The following EPN3 variants were observed in gnomAD, a reference collection of about 807,000 sequenced individuals.
EPN3 encodes the protein epsin-3.
A neutral mutation model predicts 55.5 loss-of-function variants in EPN3; 56 were observed. The observed-to-expected ratio is 1.01, with a 90% CI of 0.81 to 1.26. The LOEUF (loss-of-function observed/expected upper bound fraction) is 1.26, where lower values mean the gene tolerates loss of function less well. Among genes scored for constraint, EPN3 ranks in the 50% most tolerant of loss-of-function variants. The probability of loss-of-function intolerance (pLI) is 0.00; values close to 1 mark genes in which losing one functional copy is unlikely to be tolerated. For missense variants in EPN3, 927 were observed against 853.4 expected, an observed-to-expected ratio of 1.09 and a Z score of -1.07; for synonymous variants, 449 against 375.2, an observed-to-expected ratio of 1.20 and a Z score of -2.27.
rs761139022 is a variant in EPN3 at position 50,538,101 on chromosome 17, T to C, written c.585T>C (p.Tyr195=). 3.7e-6 allele frequency: 6 copies of C among 1,613,964 alleles called. No individual in the cohort carries two copies. The highest frequency in any genetic ancestry group is 1.7e-5 in the Admixed American group (1 of 59,994). ...CAGCCTCCTCTTCGTCACCCCGCTATACCTCCGACCTGGAGCAGGCCCGGC... is the reference window on the plus strand; with the variant it reads ...CAGCCTCCTCTTCGTCACCCCGCTACACCTCCGACCTGGAGCAGGCCCGGC... The part of the protein sequence containing the change: ...SYNSSSSSPR[Y]TSDLEQARPQ... The change falls in exon 3 of 10, where the codon TAT becomes TAC. Residue 195 remains tyrosine, a synonymous_variant. Coordinates refer to ENST00000268933, the MANE Select transcript of EPN3 (RefSeq NM_017957.3).
In EPN3 at chr17:50,539,294, G is replaced by C; in HGVS notation, c.870G>C (p.Glu290Asp). 6.2e-7 allele frequency: 1 copy of C among 1,614,192 alleles called. No individual in the cohort carries two copies. The stretch of plus-strand genomic sequence containing the variant: ...CTGAGAGAGAAGAGAGAAAGGAGGA[G>C]GAGAAGCTAAAAACCAGCCAGGTAG... Reference protein sequence around the residue: ...REPEREERKEEEKLKTSQSSI... With the variant: ...REPEREERKEDEKLKTSQSSI... Residue 290 changes from glutamate to aspartate, a missense_variant, in exon 5 of 10, where the codon GAG (glutamate) becomes GAC (aspartate). Glu to Asp is a conservative substitution (Grantham distance 45). Coordinates refer to ENST00000268933, the MANE Select transcript of EPN3 (RefSeq NM_017957.3).
At position 50,541,283 on chromosome 17, in the gene EPN3, A is replaced by G; in HGVS notation, c.1304A>G (p.Lys435Arg). Residue 435 changes from lysine (K) to arginine (R), a missense_variant, in exon 8 of 10, where the codon AAG (lysine) becomes AGG (arginine). Physicochemically the swap from Lys to Arg is conservative, Grantham distance 26. Transcript: ENST00000268933. ...FAKPPESTET[K>R]EGLEQALPSG... is the part of the protein sequence containing the mutation. Reference sequence around the variant, plus strand: ...AAACCTCCAGAATCCACAGAGACCAAGGAGGGGCTGGAGCAGGCCCTGCCC... The same window carrying G: ...AAACCTCCAGAATCCACAGAGACCAGGGAGGGGCTGGAGCAGGCCCTGCCC... The G allele has an allele frequency of 6.2e-7, 1 of 1,613,308 alleles. No homozygotes were observed. Among genetic ancestry groups the G allele is most frequent in the Non-Finnish European group, 8.5e-7 (1 of 1,179,960 alleles).
At chr17:50,541,365 G>C (rs767572046) in intron 8 of EPN3, 32 bp downstream of exon 8, 1 of 1,608,750 alleles carries the variant, frequency 6.2e-7, no homozygotes. Context: ...TGAGGCTCTG[G>C]GGAATGAGGG....
At position 50,541,073 on chromosome 17, in the gene EPN3, G is replaced by A. The variant is rs1331263346; in HGVS notation, c.1249+11G>A. The stretch of plus-strand genomic sequence containing the variant: ...CCTCCGACACACCTGGTAAGAAGAG[G>A]GCCAGAGAGTGTGAGTGAGGAGCTG... On this transcript the variant is annotated intron_variant, in intron 7 of 9. Coordinates refer to ENST00000268933, the MANE Select transcript of EPN3 (RefSeq NM_017957.3). 6.4e-7 allele frequency: 1 copy of A among 1,572,686 alleles called. No homozygotes were observed. The highest frequency in any genetic ancestry group is 1.3e-5 in the African/African-American group (1 of 74,378).
chr17:50,541,537 G>A lies in EPN3; in HGVS notation c.1428G>A (p.Leu476=), dbSNP rs780896365. The A allele has an allele frequency of 1.9e-6, 3 of 1,614,190 alleles. No homozygotes were observed. Among genetic ancestry groups the A allele is most frequent in the Non-Finnish European group, 2.5e-6 (3 of 1,180,038 alleles). ...NGTKEPDALD[L]GILGEALTQP... ...CGAAGGAGCCAGATGCCCTGGACCT[G>A]GGCATACTAGGGGAAGCACTAACCC... is the stretch of plus-strand genomic sequence containing the variant. The change falls in exon 9 of 10, where the codon CTG becomes CTA. Residue 476 remains leucine, a synonymous_variant. Coordinates refer to ENST00000268933, the MANE Select transcript of EPN3 (RefSeq NM_017957.3).
intron 2 of EPN3, among the ~76,000 whole-genome samples, chr17:50,537,693 G>T (rs2034784953): frequency 6.6e-6 from 1 of 152,180 alleles, no homozygotes; most frequent in African/African-American, 2.4e-5. Context: ...TTGACAGTTT[G>T]CTGAGGGCTT....
chr17:50,533,935 C>A (rs143121397), intron 1 of EPN3, among the ~76,000 whole-genome samples: 2 of 152,200 alleles, frequency 1.3e-5, no homozygotes, highest in African/African-American at 4.8e-5. Context: ...GCTACCGCCA[C>A]CGCCTTATCG....
At chr17:50,539,362 G>A (rs780663514) in intron 5 of EPN3, 47 bp downstream of exon 5, 4 of 1,610,998 alleles carry the variant, frequency 2.5e-6, no homozygotes, top group Middle Eastern at 3.3e-4. Flanking sequence ...CCTAAGAGAT[G>A]GACTGAGTAT....
rs1305110085 is a variant in EPN3 at position 50,541,688 on chromosome 17, C to T, written c.1579C>T (p.Leu527=). Residue 527 remains leucine (L), a synonymous_variant, in exon 9 of 10, where the codon CTG becomes TTG. Coordinates refer to ENST00000268933, the MANE Select transcript of EPN3 (RefSeq NM_017957.3). ...GGTTGCAAAGACCCGGAACCCCTTC[C>T]TGACAGGTAAGATATGCCCTTGTCC... ...PQVAKTRNPF[L]TGLSAPSPTN... The T allele has an allele frequency of 1.2e-6, 2 of 1,614,064 alleles. No individual in the cohort carries two copies. The highest frequency in any genetic ancestry group is 3.3e-5 in the Admixed American group (2 of 60,030).
intron 3 of EPN3, 89 bp from the exon 4 acceptor site, chr17:50,538,795 C>T: frequency 1.0e-6 from 1 of 984,500 alleles, no homozygotes; most frequent in Non-Finnish European, 1.5e-6. Flanking sequence ...ATTAGTGTCT[C>T]CATCCCCATG....
intron 3 of EPN3, 62 bp downstream of exon 3, chr17:50,538,259 G>A: frequency 7.2e-7 from 1 of 1,379,364 alleles, no homozygotes; most frequent in African/African-American, 1.4e-5. Flanking sequence ...GAGTGCCTGG[G>A]AGCCCCTTGG....
At position 50,542,432 on chromosome 17, in the gene EPN3, C is replaced by T; in HGVS notation, c.*275C>T. 2 of 398,664 alleles carry T rather than the reference C, an allele frequency of 5.0e-6. No individual in the cohort carries two copies. The highest frequency in any genetic ancestry group is 4.7e-5 in the South Asian group (1 of 21,416). The allele number at this position is 398,664 out of a possible 1,614,324, so 24.7% of individuals were successfully genotyped here. On this transcript the variant is annotated 3_prime_UTR_variant, in exon 10 of 10. Transcript: ENST00000268933. ...GGGTCTCGACCACAGCGTGGATCACCGGCTGTTTAGGAAACTGCAGCTGCA... is the reference window on the plus strand; with the variant it reads ...GGGTCTCGACCACAGCGTGGATCACTGGCTGTTTAGGAAACTGCAGCTGCA...
intron 1 of EPN3, chr17:50,534,372 G>A (rs1241689775): frequency 8.2e-6 from 8 of 976,138 alleles, no homozygotes; most frequent in Non-Finnish European, 9.7e-6. Flanking sequence ...AGGCCAGGCC[G>A]GAGGGCCAGG....
Position 50,537,260 on chromosome 17 carries a change from C to T in EPN3, c.562+142C>T, listed in dbSNP as rs141864171. 3,801 of 845,492 alleles carry T rather than the reference C, an allele frequency of 4.5e-3. 14 individuals are homozygous for T. Among genetic ancestry groups the T allele is most frequent in the Non-Finnish European group, 5.6e-3 (3,125 of 560,532 alleles). The allele number at this position is 845,492 out of a possible 1,614,324, so 52.4% of individuals were successfully genotyped here. A position where few individuals can be genotyped will look rare whatever the true frequency, so the allele number is the denominator to read the frequency against. On this transcript the variant is annotated intron_variant, in intron 2 of 9. Transcript: ENST00000268933. ...GACATAAGGAATGTAACACGCAAGGCGCAACACCCGGCACATAGGAGGTGC... is the reference window on the plus strand; with the variant it reads ...GACATAAGGAATGTAACACGCAAGGTGCAACACCCGGCACATAGGAGGTGC...
rs1265526318 is a variant in EPN3, at chr17:50,541,946, G to C, written c.1688G>C (p.Gly563Ala). Residue 563 changes from glycine (G) to alanine (A), a missense_variant, in exon 10 of 10, where the codon GGC (glycine) becomes GCC (alanine). Physicochemically the swap from Gly to Ala is moderately conservative, Grantham distance 60 (BLOSUM62 0). Coordinates refer to ENST00000268933, the MANE Select transcript of EPN3 (RefSeq NM_017957.3). The part of the protein sequence containing the change: ...RTGSPALGLA[G>A]GPVGAPLGSM... Reference sequence around the variant, plus strand: ...GGCTCGCCGGCGCTGGGCCTGGCAGGCGGGCCTGTGGGGGCGCCCCTGGGC... The same window carrying C: ...GGCTCGCCGGCGCTGGGCCTGGCAGCCGGGCCTGTGGGGGCGCCCCTGGGC... 24 of 1,596,846 alleles carry C rather than the reference G, an allele frequency of 1.5e-5. No individual in the cohort carries two copies. Among genetic ancestry groups the C allele is most frequent in the Non-Finnish European group, 2.0e-5 (24 of 1,177,488 alleles).
Position 50,541,249 on chromosome 17 carries a change from C to T in EPN3, c.1270C>T (p.Pro424Ser), listed in dbSNP as rs1210422095. The part of the protein sequence containing the change: ...DTPGGASTFD[P>S]FAKPPESTET... The stretch of plus-strand genomic sequence containing the variant: ...CCGAGGTGGTGCCTCGACCTTTGAC[C>T]CATTTGCCAAACCTCCAGAATCCAC... Residue 424 changes from proline to serine, a missense_variant, in exon 8 of 10, where the codon CCA becomes TCA. Physicochemically the swap from Pro to Ser is moderately conservative, Grantham distance 74. Coordinates refer to ENST00000268933, the MANE Select transcript of EPN3 (RefSeq NM_017957.3). The T allele has an allele frequency of 1.2e-6, 2 of 1,613,618 alleles. No homozygotes were observed. The highest frequency in any genetic ancestry group is 1.7e-6 in the Non-Finnish European group (2 of 1,180,018).
intron 1 of EPN3, chr17:50,534,535 G>T (rs999235400): frequency 1.0e-6 from 1 of 985,418 alleles, no homozygotes; most frequent in African/African-American, 1.7e-5. Context: ...GGGTTGGGGA[G>T]GTGAAGGCAG....
rs1370343819 is a variant in EPN3, at chr17:50,536,941, C to A, written c.385C>A (p.Gln129Lys). The A allele has an allele frequency of 6.2e-7, 1 of 1,614,126 alleles. No homozygotes were observed. Among genetic ancestry groups the A allele is most frequent in the Admixed American group, 1.7e-5 (1 of 60,024 alleles). ...QGVNVREKVK[Q>K]VMALLKDEER... Reference sequence around the variant, plus strand: ...CGTCAACGTGCGCGAGAAGGTCAAGCAGGTGATGGCCCTGCTCAAGGATGA... The same window carrying A: ...CGTCAACGTGCGCGAGAAGGTCAAGAAGGTGATGGCCCTGCTCAAGGATGA... Residue 129 changes from glutamine to lysine, a missense_variant, in exon 2 of 10, where the codon CAG (glutamine) becomes AAG (lysine). Coordinates refer to ENST00000268933, the MANE Select transcript of EPN3 (RefSeq NM_017957.3).
Position 50,541,224 on chromosome 17 carries a change from C to T in EPN3, c.1250-5C>T, listed in dbSNP as rs1216167337. 7 of 1,613,726 alleles carry T rather than the reference C, an allele frequency of 4.3e-6. No individual in the cohort carries two copies. The highest frequency in any genetic ancestry group is 3.3e-5 in the South Asian group (3 of 91,074). On this transcript the variant is annotated splice_region_variant and splice_polypyrimidine_tract_variant and intron_variant, in intron 7 of 9. Transcript: ENST00000268933. Reference sequence around the variant, plus strand: ...CCCATCTCCTCTTCCTCTCTCTCTTCCGAGGTGGTGCCTCGACCTTTGACC... The same window carrying T: ...CCCATCTCCTCTTCCTCTCTCTCTTTCGAGGTGGTGCCTCGACCTTTGACC...
Sources: allele counts gnomAD v4.1 joint callset (sites outside exome capture counted in the v4.1 genomes callset), GRCh38; gene constraint gnomAD v4.1.1; transcripts MANE v1.5; gene names NCBI Gene and HGNC (gene_info 2026-07-23, HGNC 2026-07-21).